ZDHHC20: variants seen among roughly 807,000 people sequenced by gnomAD.
ZDHHC20 encodes the protein palmitoyltransferase ZDHHC20.
ZDHHC20 carries 43 observed loss-of-function variants against 57.8 expected under a neutral mutation model. The ratio of observed to expected loss-of-function variants is 0.74; its 90% confidence interval spans 0.58 to 0.96. The LOEUF is 0.96. ZDHHC20 is among the 40% of genes least tolerant of loss of function. The pLI, the probability that ZDHHC20 is intolerant of heterozygous loss-of-function variation, is 0.00. For missense variants in ZDHHC20, 391 were observed against 441.1 expected, an observed-to-expected ratio of 0.89 and a Z score of 1.02; for synonymous variants, 157 against 153.0, an observed-to-expected ratio of 1.03 and a Z score of -0.19.
intron 1 of ZDHHC20, among the ~76,000 whole-genome samples, chr13:21,444,892 T>C (rs1883526567): frequency 6.6e-6 from 1 of 151,938 alleles, no homozygotes; most frequent in Admixed American, 6.6e-5. Context: ...CTCGTCTCTA[T>C]AAAAATTACA....
At chr13:21,415,141 T>C (rs1190874103) in intron 3 of ZDHHC20, among the ~76,000 whole-genome samples, 1 of 152,096 alleles carries the variant, frequency 6.6e-6, no homozygotes, top group Non-Finnish European at 1.5e-5. Flanking sequence ...AACAAGGCAA[T>C]AGCTTGGCAT....
intron 1 of ZDHHC20, among the ~76,000 whole-genome samples, chr13:21,433,263 G>C (rs1882184467): frequency 6.6e-6 from 1 of 152,000 alleles, no homozygotes; most frequent in Non-Finnish European, 1.5e-5. Flanking sequence ...TAGACAGCTT[G>C]CATGCCATTG....
intron 10 of ZDHHC20, chr13:21,381,816 A>C (rs1873469710): frequency 1.8e-6 from 1 of 556,178 alleles, no homozygotes; most frequent in Non-Finnish European, 3.4e-6. Context: ...GCCAGTCTGA[A>C]ATGTTCTTAA....
At chr13:21,410,324 C>G (rs1419437073) in intron 4 of ZDHHC20, among the ~76,000 whole-genome samples, 1 of 152,204 alleles carries the variant, frequency 6.6e-6, no homozygotes, top group African/African-American at 2.4e-5. Flanking sequence ...GTCTCCCAGT[C>G]AGGAGGCATG....
At position 21,435,893 on chromosome 13, in the gene ZDHHC20, T is replaced by C. The variant is rs1206416077; in HGVS notation, c.119-10215A>G. Among the ~76,000 whole-genome samples the C allele has an allele frequency of 3.9e-4, 60 of 152,166 alleles. 1 individual carries two copies. The highest frequency in any genetic ancestry group is 3.9e-3 in the Admixed American group (59 of 15,286). ...TGTATTTACTAGGGACCAGCATATG[T>C]GAAAGGAAGGGGGAAGAGGTATAAT... On this transcript the variant is annotated intron_variant, in intron 1 of 12. Coordinates refer to ENST00000400590, the MANE Select transcript of ZDHHC20 (RefSeq NM_001330059.2).
At chr13:21,414,769 T>C (rs1029133846) in intron 3 of ZDHHC20, among the ~76,000 whole-genome samples, 13 of 151,994 alleles carry the variant, frequency 8.6e-5, no homozygotes, top group Admixed American at 3.3e-4. Context: ...AGAGTACTTG[T>C]TTATGTTTAA....
intron 7 of ZDHHC20, among the ~76,000 whole-genome samples, chr13:21,397,779 A>T (rs545961046): frequency 6.6e-6 from 1 of 152,298 alleles, no homozygotes; most frequent in South Asian, 2.1e-4. Context: ...TTTCACAAAA[A>T]AGACATGCCA....
chr13:21,413,514 A>T, intron 4 of ZDHHC20, 138 bp downstream of exon 4: 2 of 665,916 alleles, frequency 3.0e-6, no homozygotes, highest in Non-Finnish European at 2.2e-6. Context: ...GTAAGGAAAC[A>T]GGAAAGTCTT....
At chr13:21,409,184 T>C (rs1878865210) in intron 4 of ZDHHC20, among the ~76,000 whole-genome samples, 1 of 152,222 alleles carries the variant, frequency 6.6e-6, no homozygotes, top group South Asian at 2.1e-4. Context: ...GAAGGAATGG[T>C]ACCACCTCCT....
chr13:21,425,729 G>GT, intron 1 of ZDHHC20, 51 bp from the exon 2 acceptor site: 3 of 993,652 alleles, frequency 3.0e-6, no homozygotes, highest in Non-Finnish European at 4.0e-6. Flanking sequence ...CATTTTGTAT[G>GT]TAAGTTTTAT....
intron 6 of ZDHHC20, among the ~76,000 whole-genome samples, chr13:21,400,980 TA>T (rs1048540359): frequency 6.6e-6 from 1 of 151,636 alleles, no homozygotes; most frequent in Admixed American, 6.6e-5. Context: ...ACATAATAAT[TA>T]AAAAAAATAA....
intron 11 of ZDHHC20, among the ~76,000 whole-genome samples, chr13:21,379,474 G>C (rs1872845552): frequency 1.3e-5 from 2 of 151,980 alleles, no homozygotes; most frequent in Admixed American, 6.6e-5. Context: ...TTTTCGTAGA[G>C]ATAGGCTATA....
chr13:21,431,556 T>C (rs1361583136), intron 1 of ZDHHC20, among the ~76,000 whole-genome samples: 1 of 152,212 alleles, frequency 6.6e-6, no homozygotes, highest in African/African-American at 2.4e-5. Flanking sequence ...GCCAAACTGT[T>C]TTCAAAGTGG....
In ZDHHC20 at chr13:21,387,496, T is replaced by G. The variant is rs1446282126; in HGVS notation, c.854+12A>C. 4 of 1,496,644 alleles carry G rather than the reference T, an allele frequency of 2.7e-6. No homozygotes were observed. The African/African-American group carries it at 5.7e-5, about 21-fold the overall frequency. 92.7% of individuals were successfully genotyped at this position (1,496,644 alleles called of 1,614,324 possible). ...ATGCCATAATCTCTGAGACCCACAT[T>G]TTATAAATTACCTTGAAAATATTGG... On this transcript the variant is annotated intron_variant, in intron 9 of 12. Coordinates refer to ENST00000400590, the MANE Select transcript of ZDHHC20 (RefSeq NM_001330059.2).
chr13:21,447,145 T>G (rs1159879182), intron 1 of ZDHHC20, among the ~76,000 whole-genome samples: 1 of 151,696 alleles, frequency 6.6e-6, no homozygotes, highest in East Asian at 1.9e-4. Context: ...TAATGTGGCA[T>G]TAACAACCCA....
At chr13:21,454,571 C>A (rs572763207) in intron 1 of ZDHHC20, among the ~76,000 whole-genome samples, 1 of 152,018 alleles carries the variant, frequency 6.6e-6, no homozygotes, top group South Asian at 2.1e-4. Context: ...CCACATTAAT[C>A]TAGAAAAAGA....
At chr13:21,400,973 T>G (rs1877539613) in intron 6 of ZDHHC20, among the ~76,000 whole-genome samples, 1 of 151,926 alleles carries the variant, frequency 6.6e-6, no homozygotes, top group Non-Finnish European at 1.5e-5. Flanking sequence ...AATTAAAACA[T>G]AATAATTAAA....
At chr13:21,392,483 C>A (rs1228461948) in intron 7 of ZDHHC20, among the ~76,000 whole-genome samples, 1 of 152,168 alleles carries the variant, frequency 6.6e-6, no homozygotes, top group South Asian at 2.1e-4. Context: ...TCAATTCCTA[C>A]TTTTTTCATC....
At chr13:21,426,943 GGT>G (rs1474876879) in intron 1 of ZDHHC20, among the ~76,000 whole-genome samples, 10 of 151,844 alleles carry the variant, frequency 6.6e-5, no homozygotes, top group African/African-American at 2.2e-4. Flanking sequence ...CCATATTTCT[GGT>G]GTAATTATTC....
Sources: allele counts gnomAD v4.1 joint callset (sites outside exome capture counted in the v4.1 genomes callset), GRCh38; gene constraint gnomAD v4.1.1; transcripts MANE v1.5; gene names NCBI Gene and HGNC (gene_info 2026-07-23, HGNC 2026-07-21).